Variants in SWT1 observed in about 807,000 individuals in gnomAD.
The protein encoded by SWT1 is transcriptional protein SWT1.
SWT1 carries 33 observed loss-of-function variants against 107.3 expected under a neutral mutation model. That is an observed-to-expected ratio of 0.31 (90% CI 0.23 to 0.41). The LOEUF is 0.41. Ranked by LOEUF, SWT1 falls within the 10% of genes least tolerant of loss-of-function variation. The pLI is 1.00. For missense variants in SWT1, 898 were observed against 1,028.9 expected, an observed-to-expected ratio of 0.87 and a Z score of 1.74; for synonymous variants, 345 against 348.3, an observed-to-expected ratio of 0.99 and a Z score of 0.11.
In SWT1 at chr1:185,195,391, T is replaced by G. The variant is rs1453178898; in HGVS notation, c.1523+4749T>G. Among the ~76,000 whole-genome samples the G allele has an allele frequency of 2.0e-5, 3 of 152,196 alleles. 1 individual carries two copies. Among genetic ancestry groups the G allele is most frequent in the Non-Finnish European group, 4.4e-5 (3 of 68,030 alleles). On this transcript the variant is annotated intron_variant, in intron 10 of 18. Coordinates refer to ENST00000367500, the MANE Select transcript of SWT1 (RefSeq NM_017673.7). Reference sequence around the variant, plus strand: ...TATGTGCCACATTTTCTTAATCCAGTCTATCACTGATGGACATTTGGGTTG... The same window carrying G: ...TATGTGCCACATTTTCTTAATCCAGGCTATCACTGATGGACATTTGGGTTG...
At chr1:185,197,500 T>G (rs1301881721) in intron 10 of SWT1, among the ~76,000 whole-genome samples, 1 of 152,238 alleles carries the variant, frequency 6.6e-6, no homozygotes, top group Non-Finnish European at 1.5e-5. Context: ...GTCCCTCTTT[T>G]TCTATTGTTT....
chr1:185,206,311 A>G (rs779660121), intron 12 of SWT1, among the ~76,000 whole-genome samples: 6 of 152,184 alleles, frequency 3.9e-5, no homozygotes, highest in African/African-American at 7.2e-5. Context: ...ATTTTCTTAT[A>G]GCGATGACTG....
chr1:185,252,873 A>G (rs1390586143), intron 16 of SWT1, among the ~76,000 whole-genome samples: 2 of 148,204 alleles, frequency 1.3e-5, no homozygotes, highest in East Asian at 3.9e-4. Context: ...TATGTCCTGA[A>G]TGGTAATGCC....
At chr1:185,219,040 A>T (rs952695640) in intron 14 of SWT1, among the ~76,000 whole-genome samples, 4 of 152,216 alleles carry the variant, frequency 2.6e-5, no homozygotes, top group Non-Finnish European at 5.9e-5. Flanking sequence ...TATTTTAAAT[A>T]TATTTGGTGA....
At chr1:185,163,360 C>T (rs565318136) in intron 2 of SWT1, among the ~76,000 whole-genome samples, 1 of 149,434 alleles carries the variant, frequency 6.7e-6, no homozygotes, top group Admixed American at 6.6e-5. Context: ...TTTCATTGCT[C>T]ATTTATAAGA....
chr1:185,281,166 T>C lies in SWT1; in HGVS notation c.2573+4498T>C, dbSNP rs530027945. ...GTGGCACCACACAGGCCATAAACTT[T>C]ACAAGAATGCCATTGCCATCAATGA... On this transcript the variant is annotated intron_variant, in intron 18 of 18. Coordinates refer to ENST00000367500, the MANE Select transcript of SWT1 (RefSeq NM_017673.7). The C allele has an allele frequency of 1.7e-5, 4 of 232,802 alleles. No individual in the cohort carries two copies. The South Asian group carries it at 2.4e-4, about 14-fold the overall frequency. 14.4% of individuals were successfully genotyped at this position (232,802 alleles called of 1,614,324 possible). A position where few individuals can be genotyped will look rare whatever the true frequency, so the allele number is the denominator to read the frequency against.
intron 14 of SWT1, among the ~76,000 whole-genome samples, chr1:185,215,282 G>T (rs990543545): frequency 6.6e-6 from 1 of 151,990 alleles, no homozygotes; most frequent in Admixed American, 6.6e-5. Flanking sequence ...CTATTTGATA[G>T]TATGTTGCAG....
intron 18 of SWT1, among the ~76,000 whole-genome samples, chr1:185,284,870 G>A (rs866028124): frequency 6.6e-6 from 1 of 151,670 alleles, no homozygotes; most frequent in Non-Finnish European, 1.5e-5. Context: ...AAACAGGCTT[G>A]CATTCCTCAG....
intron 15 of SWT1, 41 bp from the exon 16 acceptor site, chr1:185,231,536 T>C: frequency 7.0e-7 from 1 of 1,420,470 alleles, no homozygotes; most frequent in Non-Finnish European, 9.8e-7. Context: ...ACATTAAATA[T>C]GTATGTATAC....
intron 16 of SWT1, among the ~76,000 whole-genome samples, chr1:185,266,289 C>T (rs1467406355): frequency 1.3e-5 from 2 of 152,224 alleles, no homozygotes; most frequent in East Asian, 1.9e-4. Flanking sequence ...TGGTCTCGAT[C>T]TCCTGACCTC....
chr1:185,174,961 A>G lies in SWT1; in HGVS notation c.814A>G (p.Ser272Gly), dbSNP rs775500884. Residue 272 changes from serine to glycine, a missense_variant, in exon 5 of 19, where the codon AGC becomes GGC. By Grantham distance (56) the Ser-to-Gly change is moderately conservative. This residue lies in a region of SWT1 where 382 missense variants were observed against 362.4 expected (regional missense o/e 1.05). Transcript: ENST00000367500. ...GCAGGAAGAAAGAGAATACCTGGAA[A>G]GCTCCCAGGTTTCATTAAATGTGAC... ...TKQEEREYLE[S>G]SQVSLNVTRQ... 1 of 1,613,972 alleles carries G rather than the reference A, an allele frequency of 6.2e-7. No individual in the cohort carries two copies. The highest frequency in any genetic ancestry group is 8.5e-7 in the Non-Finnish European group (1 of 1,179,970).
chr1:185,201,202 T>A (rs1008306901), intron 10 of SWT1, among the ~76,000 whole-genome samples: 1 of 152,056 alleles, frequency 6.6e-6, no homozygotes, highest in Non-Finnish European at 1.5e-5. Flanking sequence ...GAGGCTGAGA[T>A]CCACGGAGCT....
chr1:185,166,452 C>T (rs1654575581), intron 2 of SWT1, 120 bp from the exon 3 acceptor site: 3 of 619,104 alleles, frequency 4.8e-6, no homozygotes, highest in Admixed American at 3.2e-5. Flanking sequence ...ACATTGTTCC[C>T]CACCGAAGTT....
intron 16 of SWT1, among the ~76,000 whole-genome samples, chr1:185,250,101 C>T (rs192255708): frequency 3.3e-5 from 5 of 152,244 alleles, no homozygotes; most frequent in African/African-American, 1.2e-4. Flanking sequence ...TCCCTTTGAA[C>T]CTGTATGGAC....
chr1:185,161,470 C>T (rs1003610964), intron 2 of SWT1, among the ~76,000 whole-genome samples: 13 of 151,490 alleles, frequency 8.6e-5, no homozygotes, highest in African/African-American at 2.2e-4. Context: ...TTTGGGAGGC[C>T]GAGGCAGGAG....
intron 2 of SWT1, among the ~76,000 whole-genome samples, chr1:185,162,655 A>G (rs1238485765): frequency 1.3e-5 from 2 of 152,180 alleles, no homozygotes; most frequent in Non-Finnish European, 2.9e-5. Context: ...TTTATAATGT[A>G]TAGGCATACC....
intron 4 of SWT1, among the ~76,000 whole-genome samples, chr1:185,170,513 C>G (rs544883703): frequency 1.3e-5 from 2 of 152,286 alleles, no homozygotes; most frequent in African/African-American, 4.8e-5. Flanking sequence ...CTTCGTGCCC[C>G]CATTCAGGAG....
chr1:185,231,499 T>C (rs1386776472), intron 15 of SWT1, 78 bp from the exon 16 acceptor site: 5 of 1,016,474 alleles, frequency 4.9e-6, no homozygotes, highest in Admixed American at 2.1e-5. Flanking sequence ...CTTTACTTTA[T>C]ACATTTGCAG....
intron 4 of SWT1, among the ~76,000 whole-genome samples, chr1:185,173,310 A>G (rs758634920): frequency 4.6e-5 from 7 of 152,022 alleles, no homozygotes; most frequent in Non-Finnish European, 8.8e-5. Context: ...TTAATTTTTA[A>G]TACGCTAAAG....
Sources: gnomAD v4.1 joint callset for allele counts (sites outside exome capture counted in the v4.1 genomes callset) on GRCh38, gnomAD v4.1.1 for gene constraint, gnomAD v4.1.1 regional missense constraint, MANE v1.5 for transcripts, NCBI Gene and HGNC (gene_info 2026-07-23, HGNC 2026-07-21) for gene names.